The following PPARGC1A variants were observed in gnomAD, a reference collection of about 807,000 sequenced individuals.
PPARGC1A encodes the protein peroxisome proliferator-activated receptor gamma coactivator 1-alpha.
In PPARGC1A, 25 loss-of-function variants were observed where a neutral mutation model predicts 88.7. The ratio of observed to expected loss-of-function variants is 0.28; its 90% CI spans 0.21 to 0.39. The LOEUF (loss-of-function observed/expected upper bound fraction) is 0.39. PPARGC1A is among the 10% of genes least tolerant of loss of function. The probability of loss-of-function intolerance (pLI) is 1.00; values close to 1 mark genes in which losing one functional copy is unlikely to be tolerated. For synonymous variants in PPARGC1A, 363 were observed against 355.6 expected (o/e 1.02, Z -0.24); for missense variants, 880 against 968.7 (o/e 0.91, Z 1.22).
the PPARGC1A span, among the ~76,000 whole-genome samples, chr4:24,181,565 G>A: frequency 2.0e-5 from 3 of 152,112 alleles, no homozygotes; most frequent in Non-Finnish European, 2.9e-5. Context: ...GGGTGCCACA[G>A]ACTCTATCCA....
the PPARGC1A span, among the ~76,000 whole-genome samples, chr4:24,055,716 A>T: frequency 6.6e-6 from 1 of 152,238 alleles, no homozygotes; most frequent in Admixed American, 6.5e-5. Flanking sequence ...TCGTAGTTGA[A>T]GTTGATTAAA....
the PPARGC1A span, among the ~76,000 whole-genome samples, chr4:24,135,869 C>T: frequency 6.6e-6 from 1 of 152,130 alleles, no homozygotes; most frequent in East Asian, 1.9e-4. Context: ...CTTCATGCAT[C>T]GCTATCATGG....
At chr4:23,983,581 G>A in the PPARGC1A span, among the ~76,000 whole-genome samples, 214 of 152,230 alleles carry the variant, frequency 1.4e-3, no homozygotes, top group Admixed American at 2.2e-3. Context: ...TTTGAAATGT[G>A]AAGATGCAAA....
chr4:24,186,251 G>A, the PPARGC1A span, among the ~76,000 whole-genome samples: 2 of 152,232 alleles, frequency 1.3e-5, no homozygotes, highest in South Asian at 2.1e-4. Flanking sequence ...GAGACCTAGT[G>A]CCAAATGTCT....
the PPARGC1A span, among the ~76,000 whole-genome samples, chr4:24,365,777 C>T: frequency 2.6e-5 from 4 of 151,902 alleles, no homozygotes; most frequent in Non-Finnish European, 5.9e-5. Flanking sequence ...TTAATATATG[C>T]TTCAACTTTT....
At chr4:24,017,468 A>G in the PPARGC1A span, among the ~76,000 whole-genome samples, 2 of 152,116 alleles carry the variant, frequency 1.3e-5, no homozygotes, top group African/African-American at 4.8e-5. Flanking sequence ...TGTTTTGTAC[A>G]TAATAGTGTA....
the PPARGC1A span, among the ~76,000 whole-genome samples, chr4:24,032,210 C>T: frequency 1.1e-4 from 16 of 152,166 alleles, no homozygotes; most frequent in South Asian, 4.1e-4. Flanking sequence ...TTTCTCATAA[C>T]CTTTTGACAT....
the PPARGC1A span, among the ~76,000 whole-genome samples, chr4:24,103,595 C>CAAAAAAAAAAAAAAAAAAAAAAAA: frequency 2.5e-5 from 3 of 121,582 alleles, no homozygotes; most frequent in East Asian, 7.9e-4. Flanking sequence ...TGCCTTCTTC[C>CAAAAAAAAAAAAAAAAAAAAAAAA]AAAAAAAAAA....
At chr4:24,448,875 A>G in the PPARGC1A span, among the ~76,000 whole-genome samples, 2 of 152,246 alleles carry the variant, frequency 1.3e-5, no homozygotes, top group Non-Finnish European at 2.9e-5. Flanking sequence ...TGCAACATGA[A>G]TCATGAGATC....
At chr4:23,952,232 A>G in the PPARGC1A span, among the ~76,000 whole-genome samples, 1 of 152,132 alleles carries the variant, frequency 6.6e-6, no homozygotes, top group African/African-American at 2.4e-5. Flanking sequence ...GAAAGAGAAA[A>G]CAGGTCACAA....
At chr4:24,125,551 C>T in the PPARGC1A span, among the ~76,000 whole-genome samples, 1 of 152,144 alleles carries the variant, frequency 6.6e-6, no homozygotes, top group African/African-American at 2.4e-5. Context: ...TAGTAGGGCT[C>T]AATGGAAAAC....
the PPARGC1A span, among the ~76,000 whole-genome samples, chr4:24,211,788 T>A: frequency 3.3e-5 from 5 of 152,300 alleles, no homozygotes; most frequent in African/African-American, 1.2e-4. Flanking sequence ...AATGAGTCCA[T>A]ACATTTTTAA....
chr4:23,830,562 C>T (rs1724817561), intron 3 of PPARGC1A, among the ~76,000 whole-genome samples: 2 of 152,192 alleles, frequency 1.3e-5, no homozygotes, highest in African/African-American at 4.8e-5. Context: ...TGAGAAACCT[C>T]AAAATCCAAT....
At chr4:23,995,170 CTGGTGGGTTT>C in the PPARGC1A span, among the ~76,000 whole-genome samples, 1 of 152,132 alleles carries the variant, frequency 6.6e-6, no homozygotes, top group Non-Finnish European at 1.5e-5. Context: ...CAAACAGGGA[CTGGTGGGTTT>C]TGGTGGGTCC....
At chr4:24,174,594 T>G in the PPARGC1A span, among the ~76,000 whole-genome samples, 8 of 152,220 alleles carry the variant, frequency 5.3e-5, no homozygotes, top group Admixed American at 4.6e-4. Context: ...CCAATCCCCA[T>G]GCTATGTGGT....
the PPARGC1A span, among the ~76,000 whole-genome samples, chr4:24,092,752 A>T: frequency 6.6e-6 from 1 of 152,204 alleles, no homozygotes; most frequent in African/African-American, 2.4e-5. Context: ...AGATGCAAAT[A>T]TAGTGGTGCC....
At chr4:23,999,055 T>G in the PPARGC1A span, among the ~76,000 whole-genome samples, 30 of 152,304 alleles carry the variant, frequency 2.0e-4, no homozygotes, top group African/African-American at 7.2e-4. Flanking sequence ...ACTCTGGAGA[T>G]TCTTTTGCCT....
chr4:24,079,097 C>T, the PPARGC1A span, among the ~76,000 whole-genome samples: 1 of 151,958 alleles, frequency 6.6e-6, no homozygotes, highest in African/African-American at 2.4e-5. Flanking sequence ...ATCAAAATAG[C>T]CATCCTTTCA....
the PPARGC1A span, among the ~76,000 whole-genome samples, chr4:24,139,377 C>T: frequency 1.3e-5 from 1 of 76,094 alleles, no homozygotes; most frequent in African/African-American, 7.2e-5. Flanking sequence ...TTGTGATCCG[C>T]CCGCCTTGGC....
Sources: allele counts gnomAD v4.1 joint callset (sites outside exome capture counted in the v4.1 genomes callset), GRCh38; gene constraint gnomAD v4.1.1; transcripts MANE v1.5; gene names NCBI Gene and HGNC (gene_info 2026-07-23, HGNC 2026-07-21).